The following VPS50 variants were observed in gnomAD, a reference collection of about 807,000 sequenced individuals.
The protein encoded by VPS50 is VPS50 subunit of EARP/GARPII complex.
In VPS50, 70 loss-of-function variants were observed where a neutral mutation model predicts 139.7. The ratio of observed to expected loss-of-function variants is 0.50; its 90% confidence interval spans 0.41 to 0.61. The LOEUF (loss-of-function observed/expected upper bound fraction) is 0.61, where lower values mean the gene tolerates loss of function less well. Ranked by LOEUF, VPS50 falls within the 20% of genes least tolerant of loss-of-function variation. VPS50 has a pLI of 0.00. For synonymous variants in VPS50, 365 were observed against 376.7 expected (o/e 0.97, Z 0.36); for missense variants, 921 against 1,133.7 (o/e 0.81, Z 2.69).
chr7:93,297,592 G>A (rs1796847984), intron 16 of VPS50, among the ~76,000 whole-genome samples: 1 of 152,126 alleles, frequency 6.6e-6, no homozygotes, highest in Admixed American at 6.6e-5. Flanking sequence ...TAAATCAGTA[G>A]AGGCAGTGCT....
intron 12 of VPS50, among the ~76,000 whole-genome samples, chr7:93,286,989 CGTT>C (rs1220065688): frequency 1.8e-4 from 24 of 136,458 alleles, no homozygotes; most frequent in Non-Finnish European, 3.2e-4. Context: ...TTGTTGAAAA[CGTT>C]GTTTTTTTTT....
intron 20 of VPS50, among the ~76,000 whole-genome samples, chr7:93,312,318 A>G (rs1797292331): frequency 6.6e-6 from 1 of 152,176 alleles, no homozygotes; most frequent in African/African-American, 2.4e-5. Flanking sequence ...ATAACTCTCG[A>G]GAATTTGTAG....
In VPS50 at chr7:93,358,384, C is replaced by A; in HGVS notation, c.2843C>A (p.Ala948Glu). ...VCLGSHINKK[A>E]RQKLLAAIDD... ...CTGGGATCCCATATCAATAAGAAAG[C>A]AAGACAAAAACTTCTAGCAGCTATA... Residue 948 changes from alanine to glutamate, a missense_variant, in exon 28 of 28, where the codon GCA becomes GAA. By Grantham distance (107) the Ala-to-Glu change is moderately radical. Around this residue, in one of 3 missense-constraint regions of VPS50, gnomAD observed 158 missense variants for 156.3 expected, o/e 1.01. Transcript: ENST00000305866. 1 of 1,611,530 alleles carries A rather than the reference C, an allele frequency of 6.2e-7. No homozygotes were observed. Among genetic ancestry groups the A allele is most frequent in the Non-Finnish European group, 8.5e-7 (1 of 1,177,884 alleles).
At chr7:93,279,656 A>C (rs1796263810) in intron 12 of VPS50, among the ~76,000 whole-genome samples, 1 of 152,220 alleles carries the variant, frequency 6.6e-6, no homozygotes, top group Non-Finnish European at 1.5e-5. Flanking sequence ...GAAGCAGGAG[A>C]GTCCTCAAAA....
chr7:93,342,948 A>G, intron 23 of VPS50, among the ~76,000 whole-genome samples: 1 of 152,250 alleles, frequency 6.6e-6, no homozygotes, highest in Admixed American at 6.5e-5. Context: ...AAAGGAACAC[A>G]GTTCCTCACC....
At chr7:93,339,037 C>T (rs1798140557) in intron 22 of VPS50, among the ~76,000 whole-genome samples, 1 of 152,060 alleles carries the variant, frequency 6.6e-6, no homozygotes, top group Non-Finnish European at 1.5e-5. Flanking sequence ...TGTAAGGTTC[C>T]TTACTTGTTT....
intron 27 of VPS50, 78 bp downstream of exon 27, chr7:93,356,158 C>A: frequency 1.5e-6 from 1 of 680,108 alleles, no homozygotes; most frequent in Non-Finnish European, 2.3e-6. Flanking sequence ...TTATTTAATT[C>A]AAAATCATGA....
intron 21 of VPS50, among the ~76,000 whole-genome samples, chr7:93,328,127 C>CTAT (rs1383096623): frequency 1.3e-5 from 2 of 152,156 alleles, no homozygotes; most frequent in African/African-American, 4.8e-5. Flanking sequence ...CCATTGGATT[C>CTAT]TATTATAATA....
intron 3 of VPS50, among the ~76,000 whole-genome samples, 196 bp downstream of exon 3, chr7:93,252,971 C>G (rs961963768): frequency 1.3e-5 from 2 of 152,160 alleles, no homozygotes; most frequent in Non-Finnish European, 2.9e-5. Context: ...ACTTTAAATA[C>G]AACCGTTCAG....
chr7:93,243,816 T>C (rs1562846622), intron 2 of VPS50, among the ~76,000 whole-genome samples: 1 of 151,896 alleles, frequency 6.6e-6, no homozygotes, highest in Non-Finnish European at 1.5e-5. Context: ...AAAGTAAAAA[T>C]ACCAGTATTC....
At chr7:93,269,722 C>T (rs1375402451) in intron 9 of VPS50, among the ~76,000 whole-genome samples, 8 of 152,050 alleles carry the variant, frequency 5.3e-5, no homozygotes, top group Admixed American at 5.3e-4. Context: ...AGGATATTGT[C>T]AGGGGGTTGT....
chr7:93,299,902 A>T (rs931891374), intron 16 of VPS50, among the ~76,000 whole-genome samples: 1 of 152,168 alleles, frequency 6.6e-6, no homozygotes, highest in Non-Finnish European at 1.5e-5. Context: ...TTAAACAATA[A>T]TGACATAAAA....
chr7:93,310,814 TC>T (rs1481333442), intron 19 of VPS50, among the ~76,000 whole-genome samples: 2 of 152,180 alleles, frequency 1.3e-5, no homozygotes, highest in Non-Finnish European at 2.9e-5. Flanking sequence ...TGTACTTAAT[TC>T]ACGTTCTTAG....
At chr7:93,249,151 A>G in intron 2 of VPS50, among the ~76,000 whole-genome samples, 1 of 152,116 alleles carries the variant, frequency 6.6e-6, no homozygotes, top group East Asian at 1.9e-4. Context: ...TTAGGAAAGA[A>G]TAGCATTTGA....
intron 6 of VPS50, 150 bp downstream of exon 6, chr7:93,257,614 T>C (rs1795526662): frequency 3.8e-6 from 2 of 527,964 alleles, no homozygotes; most frequent in African/African-American, 4.0e-5. Context: ...ATCTAAAGAC[T>C]ACACTAAGAG....
rs947553628 is a variant in VPS50, at chr7:93,292,452, A to G, written c.1075+617A>G. Among the ~76,000 whole-genome samples, 24 of 152,264 alleles carry G rather than the reference A, an allele frequency of 1.6e-4. No individual in the cohort carries two copies. The East Asian group carries it at 3.7e-3, about 23-fold the overall frequency. On this transcript the variant is annotated intron_variant, in intron 13 of 27. Transcript: ENST00000305866. ...TAAATTGCTTCATTTGTATAATTAT[A>G]TATCTTAACTGATTATCCTTGAACA...
intron 20 of VPS50, among the ~76,000 whole-genome samples, chr7:93,318,810 C>A (rs920434364): frequency 6.6e-6 from 1 of 152,134 alleles, no homozygotes; most frequent in Non-Finnish European, 1.5e-5. Flanking sequence ...CTCCTACACT[C>A]TTTTACAAAT....
chr7:93,317,224 A>C (rs927752404), intron 20 of VPS50, among the ~76,000 whole-genome samples: 1 of 152,138 alleles, frequency 6.6e-6, no homozygotes, highest in Admixed American at 6.5e-5. Flanking sequence ...AAATTTTGGC[A>C]TGCGTCAGTA....
In VPS50 at chr7:93,306,012, G is replaced by GC; in HGVS notation, c.1629+8_1629+9insC. On this transcript the variant is annotated intron_variant, in intron 18 of 27. Transcript: ENST00000305866. ...GTCTTAGCTTCTAATGGGGTATGTGGTGTATGTGAAACATAAGTGAGTTTT... is the reference window on the plus strand; with the variant it reads ...GTCTTAGCTTCTAATGGGGTATGTGGCTGTATGTGAAACATAAGTGAGTTTT... The GC allele has an allele frequency of 6.2e-7, 1 of 1,602,476 alleles. No individual in the cohort carries two copies.
Sources: allele counts gnomAD v4.1 joint callset (sites outside exome capture counted in the v4.1 genomes callset), GRCh38; gene constraint gnomAD v4.1.1; regional missense constraint gnomAD v4.1.1; transcripts MANE v1.5; gene names NCBI Gene and HGNC (gene_info 2026-07-23, HGNC 2026-07-21).